WDFY4: variants seen among roughly 807,000 people sequenced by gnomAD.
WDFY4 encodes WDFY family member 4.
WDFY4 carries 169 observed loss-of-function variants against 351.9 expected under a neutral mutation model. The observed-to-expected ratio is 0.48, with a 90% CI of 0.42 to 0.55. The LOEUF (loss-of-function observed/expected upper bound fraction) is 0.55, where lower values mean the gene tolerates loss of function less well. Among genes scored for constraint, WDFY4 ranks in the 20% least tolerant of loss-of-function variants. The pLI, the probability that WDFY4 is intolerant of heterozygous loss-of-function variation, is 0.00. For missense variants in WDFY4, 3,803 were observed against 3,935.6 expected, an observed-to-expected ratio of 0.97 and a Z score of 0.90; for synonymous variants, 1,622 against 1,574.6, an observed-to-expected ratio of 1.03 and a Z score of -0.71.
intron 39 of WDFY4, among the ~76,000 whole-genome samples, chr10:48,851,795 C>A (rs530147134): frequency 6.6e-6 from 1 of 152,366 alleles, no homozygotes; most frequent in East Asian, 1.9e-4. Flanking sequence ...GTGGGTACCA[C>A]CAAGCTTTGG....
intron 12 of WDFY4, among the ~76,000 whole-genome samples, chr10:48,759,452 A>C (rs903102306): frequency 1.3e-5 from 2 of 152,132 alleles, no homozygotes; most frequent in African/African-American, 4.8e-5. Flanking sequence ...AGGAGAAAAG[A>C]GCAATGGGAA....
intron 45 of WDFY4, among the ~76,000 whole-genome samples, chr10:48,899,121 G>A (rs1837233619): frequency 6.6e-6 from 1 of 152,188 alleles, no homozygotes; most frequent in South Asian, 2.1e-4. Context: ...TGGTTCACCT[G>A]AAGTGGTGGA....
In WDFY4 at chr10:48,813,967, A is replaced by G; in HGVS notation, c.5225A>G (p.Asp1742Gly). The change falls in exon 31 of 62, where the codon GAT becomes GGT. Residue 1742 changes from aspartate (D) to glycine (G), a missense_variant. Asp to Gly is a moderately conservative substitution (Grantham distance 94). Coordinates refer to ENST00000325239, the MANE Select transcript of WDFY4 (RefSeq NM_001394531.1). ...ELMDGPKDSLDAMLQWLLQRH... is the reference protein window; with the variant it reads ...ELMDGPKDSLGAMLQWLLQRH... Reference sequence around the variant, plus strand: ...TGCCTCCTCTTCCAGGACAGCCTTGATGCCATGCTTCAGTGGCTCCTGCAG... The same window carrying G: ...TGCCTCCTCTTCCAGGACAGCCTTGGTGCCATGCTTCAGTGGCTCCTGCAG... 6.5e-7 allele frequency: 1 copy of G among 1,547,906 alleles called. No individual in the cohort carries two copies. Among genetic ancestry groups the G allele is most frequent in the Non-Finnish European group, 8.7e-7 (1 of 1,144,822 alleles).
intron 12 of WDFY4, chr10:48,745,903 G>C (rs1202467697): frequency 4.1e-6 from 1 of 243,272 alleles, no homozygotes; most frequent in Non-Finnish European, 8.0e-6. Context: ...GCTGGAAGAC[G>C]CTGCTGGGGG....
Position 48,941,808 on chromosome 10 carries a change from G to C in WDFY4, c.7589G>C (p.Arg2530Thr). The C allele has an allele frequency of 3.2e-6, 5 of 1,552,148 alleles. No homozygotes were observed. The highest frequency in any genetic ancestry group is 4.4e-6 in the Non-Finnish European group (5 of 1,147,062). ...ATSEDTLSLR[R>T]YPGSDRIMLQ... Reference sequence around the variant, plus strand: ...CACCTTGGTTTTCTGTCCCACAGGAGATACCCCGGCTCTGACAGGATCATG... The same window carrying C: ...CACCTTGGTTTTCTGTCCCACAGGACATACCCCGGCTCTGACAGGATCATG... Residue 2530 changes from arginine (R) to threonine (T), a missense_variant and splice_region_variant, in exon 48 of 62, where the codon AGA becomes ACA. Transcript: ENST00000325239.
At position 48,743,434 on chromosome 10, in the gene WDFY4, G is replaced by A. The variant is rs2064916790; in HGVS notation, c.2345G>A (p.Gly782Glu). ...GCCAGCGGCACCCTCCACTTGCGTGGGGACCTGAAGGAGTCCCTGAGGACC... is the reference window on the plus strand; with the variant it reads ...GCCAGCGGCACCCTCCACTTGCGTGAGGACCTGAAGGAGTCCCTGAGGACC... Reference protein sequence around the residue: ...SMASGTLHLRGDLKESLRTKQ... With the variant: ...SMASGTLHLREDLKESLRTKQ... The change falls in exon 12 of 62, where the codon GGG becomes GAG. Residue 782 changes from glycine (G) to glutamate (E), a missense_variant. Coordinates refer to ENST00000325239, the MANE Select transcript of WDFY4 (RefSeq NM_001394531.1). 6.4e-7 allele frequency: 1 copy of A among 1,550,946 alleles called. No individual in the cohort carries two copies. The highest frequency in any genetic ancestry group is 1.4e-5 in the African/African-American group (1 of 73,012).
intron 47 of WDFY4, among the ~76,000 whole-genome samples, chr10:48,925,833 C>T (rs1426426012): frequency 2.0e-5 from 3 of 152,188 alleles, no homozygotes; most frequent in African/African-American, 7.2e-5. Context: ...CTATCATTCA[C>T]TCATGGTACC....
At chr10:48,979,471 G>A (rs1039634625) in intron 60 of WDFY4, among the ~76,000 whole-genome samples, 1 of 152,126 alleles carries the variant, frequency 6.6e-6, no homozygotes, top group African/African-American at 2.4e-5. Flanking sequence ...AAGCTATTGG[G>A]GCCCAGTAAG....
At position 48,959,833 on chromosome 10, in the gene WDFY4, C is replaced by T. The variant is rs748446029; in HGVS notation, c.8223+20C>T. On this transcript the variant is annotated intron_variant, in intron 53 of 61. Transcript: ENST00000325239. ...AGAAAGGTGAGTCAGGCCAGGACCC[C>T]TGGTATCCTGCTGGGGACCTGAACA... 1.5e-5 allele frequency: 23 copies of T among 1,538,066 alleles called. No individual in the cohort carries two copies. The highest frequency in any genetic ancestry group is 1.8e-4 in the Middle Eastern group (1 of 5,514).
At chr10:48,849,525 G>A (rs1174892511) in intron 39 of WDFY4, among the ~76,000 whole-genome samples, 1 of 152,206 alleles carries the variant, frequency 6.6e-6, no homozygotes, top group East Asian at 1.9e-4. Context: ...TGACAGCCAA[G>A]AGAGCCTGTG....
chr10:48,807,274 T>A (rs59793264), intron 27 of WDFY4, among the ~76,000 whole-genome samples: 3 of 152,218 alleles, frequency 2.0e-5, no homozygotes, highest in Admixed American at 1.3e-4. Context: ...TCATATGAAC[T>A]GCATTCTGAA....
intron 47 of WDFY4, chr10:48,913,679 G>T (rs1838224373): frequency 6.2e-7 from 1 of 1,613,438 alleles, no homozygotes; most frequent in Non-Finnish European, 8.5e-7. Flanking sequence ...TGCTCACGGG[G>T]ATGTTGTTCA....
At chr10:48,853,170 T>C (rs2069014936) in intron 39 of WDFY4, among the ~76,000 whole-genome samples, 1 of 152,150 alleles carries the variant, frequency 6.6e-6, no homozygotes, top group Admixed American at 6.5e-5. Context: ...TTTCTGACCT[T>C]GTCTGTCCTT....
chr10:48,758,126 T>C (rs578007640), intron 12 of WDFY4, among the ~76,000 whole-genome samples: 2 of 152,330 alleles, frequency 1.3e-5, no homozygotes, highest in East Asian at 3.9e-4. Context: ...TTAGAACAAG[T>C]CTGATGGCAA....
intron 51 of WDFY4, 71 bp downstream of exon 51, chr10:48,947,040 T>G (rs1453187290): frequency 8.0e-7 from 1 of 1,257,202 alleles, no homozygotes; most frequent in Non-Finnish European, 1.1e-6. Flanking sequence ...ATCACAAGAC[T>G]AAGACCTGTG....
At chr10:48,848,059 C>A (rs1012855819) in intron 39 of WDFY4, among the ~76,000 whole-genome samples, 1 of 152,144 alleles carries the variant, frequency 6.6e-6, no homozygotes, top group Non-Finnish European at 1.5e-5. Flanking sequence ...GTGCAATTAC[C>A]TGGGCACTCA....
chr10:48,824,295 T>C, intron 35 of WDFY4: 1 of 608,962 alleles, frequency 1.6e-6, no homozygotes, highest in Non-Finnish European at 2.1e-6. Flanking sequence ...GTCTATGGTG[T>C]TTTTATGACA....
intron 57 of WDFY4, 59 bp downstream of exon 57, chr10:48,970,348 C>T: frequency 6.6e-7 from 1 of 1,523,820 alleles, no homozygotes. Context: ...CATGTAGGGA[C>T]AAAACCTCTG....
At chr10:48,817,200 G>T in intron 31 of WDFY4, 45 bp from the exon 32 acceptor site, 1 of 1,540,150 alleles carries the variant, frequency 6.5e-7, no homozygotes, top group Non-Finnish European at 8.8e-7. Flanking sequence ...GGGAGGCAGC[G>T]CCCATCATGC....
Sources: allele counts gnomAD v4.1 joint callset (sites outside exome capture counted in the v4.1 genomes callset), GRCh38; gene constraint gnomAD v4.1.1; transcripts MANE v1.5; gene names NCBI Gene and HGNC (gene_info 2026-07-23, HGNC 2026-07-21).